PSMA6: variants seen among roughly 807,000 people sequenced by gnomAD.
PSMA6 encodes proteasome 20S subunit alpha 6.
For synonymous variants in PSMA6, 88 were observed against 97.7 expected, an observed-to-expected ratio of 0.90 and a Z score of 0.59; for missense variants, 170 against 294.8, an observed-to-expected ratio of 0.58 and a Z score of 3.10.
chr14:35,307,487 A>C (rs1156253663), intron 1 of PSMA6, among the ~76,000 whole-genome samples: 1 of 152,166 alleles, frequency 6.6e-6, no homozygotes, highest in Admixed American at 6.5e-5. Context: ...TAATCCCTGC[A>C]CTTTGGGATG....
At chr14:35,306,806 G>A (rs2051835155) in intron 1 of PSMA6, among the ~76,000 whole-genome samples, 1 of 152,132 alleles carries the variant, frequency 6.6e-6, no homozygotes, top group South Asian at 2.1e-4. Context: ...CCAATAGAAT[G>A]GATTGACAGC....
chr14:35,288,527 C>A (rs1380474224), upstream of PSMA6, among the ~76,000 whole-genome samples: 1 of 152,094 alleles, frequency 6.6e-6, no homozygotes, highest in Non-Finnish European at 1.5e-5. Context: ...ACAACAACAA[C>A]AACAAAAACA....
Position 35,317,311 on chromosome 14 carries a change from T to G in PSMA6, c.*5T>G. On this transcript the variant is annotated 3_prime_UTR_variant, in exon 7 of 7. Coordinates refer to ENST00000261479, the MANE Select transcript of PSMA6 (RefSeq NM_002791.3). ...GCTCTAGCAGAGAGAGACTAAACAT[T>G]GTCGTTAGTTTACCAGATCCGTGAT... The G allele has an allele frequency of 6.2e-7, 1 of 1,603,448 alleles. No homozygotes were observed.
chr14:35,311,191 C>T (rs1227446027), intron 4 of PSMA6: 1 of 223,532 alleles, frequency 4.5e-6, no homozygotes. Context: ...GGTTCTACTG[C>T]AATTCGAGAT....
chr14:35,309,114 G>GA, intron 3 of PSMA6, 119 bp downstream of exon 3: 1 of 752,898 alleles, frequency 1.3e-6, no homozygotes, highest in South Asian at 1.9e-5. Flanking sequence ...CAAGTGCCAT[G>GA]AGTGGATTTG....
intron 4 of PSMA6, among the ~76,000 whole-genome samples, chr14:35,311,212 A>G (rs2051938056): frequency 6.6e-6 from 1 of 152,236 alleles, no homozygotes; most frequent in Admixed American, 6.5e-5. Context: ...TACTAATTCC[A>G]TAGAAATACC....
chr14:35,311,196 C>T (rs191993117), intron 4 of PSMA6: 30 of 215,906 alleles, frequency 1.4e-4, no homozygotes, highest in Admixed American at 1.2e-3. Context: ...TACTGCAATT[C>T]GAGATTACTA....
intron 3 of PSMA6, 62 bp downstream of exon 3, chr14:35,309,057 AAATT>A (rs2051888206): frequency 2.4e-6 from 3 of 1,271,136 alleles, no homozygotes; most frequent in Non-Finnish European, 3.3e-6. Context: ...TATTTTCTTC[AAATT>A]ATTTTGAGTT....
chr14:35,284,781 A>G (rs1046820230), intron 1 of PSMA6, among the ~76,000 whole-genome samples: 1 of 152,178 alleles, frequency 6.6e-6, no homozygotes, highest in African/African-American at 2.4e-5. Flanking sequence ...TCTCAGTGCC[A>G]TCCTCTATAA....
chr14:35,309,073 T>C (rs1218770504), intron 3 of PSMA6, 78 bp downstream of exon 3: 1 of 1,158,794 alleles, frequency 8.6e-7, no homozygotes, highest in South Asian at 1.4e-5. Flanking sequence ...TTTTGAGTTT[T>C]GTATTAATTT....
chr14:35,314,242 G>C, intron 5 of PSMA6, 119 bp from the exon 6 acceptor site: 1 of 1,199,634 alleles, frequency 8.3e-7, no homozygotes, highest in Non-Finnish European at 1.1e-6. Context: ...TAGTAACATT[G>C]AACTACCTCA....
At chr14:35,309,133 T>G in intron 3 of PSMA6, 138 bp downstream of exon 3, 1 of 637,964 alleles carries the variant, frequency 1.6e-6, no homozygotes. Flanking sequence ...TGCAGTCTTC[T>G]AAGACTAGTA....
intron 1 of PSMA6, chr14:35,293,003 C>A (rs1217270394): frequency 2.2e-6 from 1 of 458,408 alleles, no homozygotes; most frequent in Non-Finnish European, 4.4e-6. Flanking sequence ...CTGCTATATA[C>A]CAGACACTGC....
chr14:35,314,573 GTGTT>G, intron 6 of PSMA6, 118 bp downstream of exon 6: 1 of 1,287,768 alleles, frequency 7.8e-7, no homozygotes, highest in South Asian at 2.3e-5. Flanking sequence ...TTTTGTTTGT[GTGTT>G]TGTTTTTTTC....
chr14:35,286,930 G>A (rs2051426739), intron 1 of PSMA6, among the ~76,000 whole-genome samples: 1 of 152,048 alleles, frequency 6.6e-6, no homozygotes, highest in Admixed American at 6.6e-5. Context: ...AAGGGCTTAT[G>A]AGAAGCATAA....
chr14:35,292,596 T>C (rs775134814), intron 1 of PSMA6, 44 bp downstream of exon 1: 1 of 1,606,420 alleles, frequency 6.2e-7, no homozygotes, highest in African/African-American at 1.3e-5. Flanking sequence ...AATTGCCCTG[T>C]CATGGTACGT....
Position 35,310,846 on chromosome 14 carries a change from T to C in PSMA6, c.360T>C (p.Asp120=), listed in dbSNP as rs773869840. The change falls in exon 4 of 7, where the codon GAT becomes GAC. Residue 120 remains aspartate, a synonymous_variant. Transcript: ENST00000261479. ...PVDMLCKRIA[D]ISQVYTQNAE... The stretch of plus-strand genomic sequence containing the variant: ...ACATGCTGTGTAAAAGAATTGCCGA[T>C]ATTTCTCAGGTCTACACACAGAATG... 3 of 1,613,902 alleles carry C rather than the reference T, an allele frequency of 1.9e-6. No homozygotes were observed. The highest frequency in any genetic ancestry group is 2.5e-6 in the Non-Finnish European group (3 of 1,179,898).
chr14:35,299,300 G>A (rs111587294), intron 1 of PSMA6, among the ~76,000 whole-genome samples: 8,328 of 143,350 alleles, frequency 0.058, 324 homozygotes, highest in Middle Eastern at 0.12. Context: ...TGGGATTATA[G>A]GTGTGAGCCG....
chr14:35,311,007 T>G, intron 4 of PSMA6, 112 bp downstream of exon 4: 1 of 1,042,996 alleles, frequency 9.6e-7, no homozygotes, highest in Non-Finnish European at 1.4e-6. Context: ...GTTTGGAAAA[T>G]ACATAGAGTG....
Sources: allele counts gnomAD v4.1 joint callset (sites outside exome capture counted in the v4.1 genomes callset), GRCh38; gene constraint gnomAD v4.1.1; transcripts MANE v1.5; gene names NCBI Gene and HGNC (gene_info 2026-07-23, HGNC 2026-07-21).